The following ITGB8 variants were observed in gnomAD, a reference collection of about 807,000 sequenced individuals.
ITGB8 encodes the protein integrin subunit beta 8, also known as integrin beta-8.
ITGB8 carries 30 observed loss-of-function variants against 89.5 expected under a neutral mutation model. That is an observed-to-expected ratio of 0.34 (90% CI 0.25 to 0.45). ITGB8 has a LOEUF of 0.45. Among genes scored for constraint, ITGB8 ranks in the 20% least tolerant of loss-of-function variants. The probability of loss-of-function intolerance (pLI) is 1.00; values close to 1 mark genes in which losing one functional copy is unlikely to be tolerated. For missense variants in ITGB8, 836 were observed against 933.3 expected (o/e 0.90, Z 1.36); for synonymous variants, 335 against 320.4 (o/e 1.05, Z -0.49).
intron 1 of ITGB8, among the ~76,000 whole-genome samples, chr7:20,360,094 C>T (rs189146934): frequency 6.6e-6 from 1 of 152,258 alleles, no homozygotes; most frequent in African/African-American, 2.4e-5. Context: ...CTCTCTGGGT[C>T]ATCATCGTTA....
At chr7:20,381,300 C>G (rs1786377078) in intron 5 of ITGB8, 1 of 156,124 alleles carries the variant, frequency 6.4e-6, no homozygotes, top group African/African-American at 2.4e-5. Context: ...GCAGCTGGGA[C>G]TACAGGCGCC....
rs1041202141 is a variant in ITGB8 at position 20,411,487 on chromosome 7, G to A, written c.*1490G>A. 1.3e-5 allele frequency: 2 copies of A among 152,520 alleles called. No individual in the cohort carries two copies. Among genetic ancestry groups the A allele is most frequent in the African/African-American group, 2.4e-5 (1 of 41,414 alleles). 9.4% of individuals were successfully genotyped at this position (152,520 alleles called of 1,614,324 possible). On this transcript the variant is annotated 3_prime_UTR_variant, in exon 14 of 14. Transcript: ENST00000222573. ...CTCCTTTTTAGTGAGTTAGGGAACT[G>A]AGCCTCAGAAAACTTAAACGATTTC...
intron 2 of ITGB8, 94 bp from the exon 3 acceptor site, chr7:20,366,918 T>A (rs1465036108): frequency 1.1e-5 from 9 of 831,714 alleles, no homozygotes; most frequent in Non-Finnish European, 1.3e-5. Flanking sequence ...TAAAATGATA[T>A]AAAATACCAA....
chr7:20,383,914 G>A (rs1274953541), intron 6 of ITGB8, among the ~76,000 whole-genome samples: 1 of 152,136 alleles, frequency 6.6e-6, no homozygotes, highest in African/African-American at 2.4e-5. Context: ...TAACACCTTA[G>A]AAGGATACTT....
At chr7:20,401,067 C>T (rs754042921) in intron 9 of ITGB8, among the ~76,000 whole-genome samples, 14 of 151,880 alleles carry the variant, frequency 9.2e-5, no homozygotes, top group South Asian at 4.2e-4. Flanking sequence ...CTCTGTCTTC[C>T]GGGTTCAAGC....
intron 6 of ITGB8, 26 bp downstream of exon 6, chr7:20,381,911 G>T (rs1483191971): frequency 6.4e-7 from 1 of 1,573,056 alleles, no homozygotes. Flanking sequence ...CCGCTTAGTA[G>T]ATATGACTCT....
intron 12 of ITGB8, 25 bp downstream of exon 12, chr7:20,406,196 G>T: frequency 7.6e-7 from 1 of 1,310,724 alleles, no homozygotes; most frequent in Non-Finnish European, 1.1e-6. Context: ...AATAATCAAA[G>T]CACAGAAGAG....
chr7:20,385,883 A>T (rs891209829), intron 6 of ITGB8, among the ~76,000 whole-genome samples: 1 of 152,216 alleles, frequency 6.6e-6, no homozygotes, highest in Non-Finnish European at 1.5e-5. Flanking sequence ...AAAGTCTGGA[A>T]AACATTTATA....
Position 20,406,106 on chromosome 7 carries a change from T to C in ITGB8, c.1958T>C (p.Ile653Thr), listed in dbSNP as rs780696993. ...CLHPHNLSQA[I>T]LDQCKTSCAL... ...CACCCTCACAATTTGTCTCAGGCTA[T>C]ACTTGATCAGTGCAAAACCTCATGT... Residue 653 changes from isoleucine to threonine, a missense_variant, in exon 12 of 14, where the codon ATA becomes ACA. Ile to Thr is a moderately conservative substitution (Grantham distance 89, BLOSUM62 -1). Transcript: ENST00000222573. The C allele has an allele frequency of 3.7e-6, 6 of 1,613,648 alleles. No homozygotes were observed. In the Admixed American group the frequency reaches 8.3e-5, roughly 22 times the overall value.
chr7:20,381,307 C>T (rs71526323), intron 5 of ITGB8: 35,752 of 155,050 alleles, frequency 0.23, 5,191 homozygotes, highest in Non-Finnish European at 0.32. Context: ...GGACTACAGG[C>T]GCCCGCCACC....
chr7:20,369,086 A>G lies in ITGB8; in HGVS notation c.388+1900A>G, dbSNP rs551105306. On this transcript the variant is annotated intron_variant, in intron 3 of 13. Transcript: ENST00000222573. ...ACCTGAATTTAAGAGTAAGTTGTTAATATCATCTTTCCTGCAAATCTTTCA... is the reference window on the plus strand; with the variant it reads ...ACCTGAATTTAAGAGTAAGTTGTTAGTATCATCTTTCCTGCAAATCTTTCA... Among the ~76,000 whole-genome samples, 4 of 152,332 alleles carry G rather than the reference A, an allele frequency of 2.6e-5. No homozygotes were observed. In the East Asian group the frequency reaches 5.8e-4, roughly 22 times the overall value.
intron 6 of ITGB8, among the ~76,000 whole-genome samples, chr7:20,385,321 A>T (rs1383876689): frequency 2.0e-5 from 3 of 152,242 alleles, no homozygotes; most frequent in Admixed American, 6.5e-5. Flanking sequence ...ATCCTACCAC[A>T]TTCCTATTGT....
At chr7:20,347,335 C>T (rs1784960939) in intron 1 of ITGB8, among the ~76,000 whole-genome samples, 1 of 152,070 alleles carries the variant, frequency 6.6e-6, no homozygotes, top group South Asian at 2.1e-4. Context: ...ATCACTGTAT[C>T]AGCAAAAGAA....
At chr7:20,329,843 G>T (rs899242471), upstream of ITGB8, 1 of 152,092 alleles carries the variant, frequency 6.6e-6, no homozygotes, top group African/African-American at 2.4e-5. Flanking sequence ...TTTCCAATGC[G>T]GGGGACTGAG....
intron 1 of ITGB8, among the ~76,000 whole-genome samples, chr7:20,350,139 G>A (rs1785064654): frequency 6.6e-6 from 1 of 152,128 alleles, no homozygotes; most frequent in South Asian, 2.1e-4. Flanking sequence ...TCCCTGTATT[G>A]AAGTTGTTGT....
intron 1 of ITGB8, among the ~76,000 whole-genome samples, chr7:20,337,325 A>C (rs1784608547): frequency 6.6e-6 from 1 of 152,222 alleles, no homozygotes; most frequent in South Asian, 2.1e-4. Flanking sequence ...ATTTTCAACT[A>C]AATACTTAAA....
In ITGB8 at chr7:20,401,927, G is replaced by T; in HGVS notation, c.1488G>T (p.Glu496Asp). The change falls in exon 10 of 14, where the codon GAG becomes GAT. Residue 496 changes from glutamate to aspartate, a missense_variant. Glu to Asp is a conservative substitution (Grantham distance 45). Around this residue, in one of 5 missense-constraint regions of ITGB8, gnomAD observed 422 missense variants for 416.9 expected, o/e 1.01. Transcript: ENST00000222573. Reference sequence around the variant, plus strand: ...ATTCCAAGTGTTTCCAGTGTGATGAGAATAAATGTCATTTTGATGAAGATC... The same window carrying T: ...ATTCCAAGTGTTTCCAGTGTGATGATAATAAATGTCATTTTGATGAAGATC... The part of the protein sequence containing the change: ...FLDSKCFQCD[E>D]NKCHFDEDQF... 1 of 1,614,134 alleles carries T rather than the reference G, an allele frequency of 6.2e-7. No individual in the cohort carries two copies. Among genetic ancestry groups the T allele is most frequent in the East Asian group, 2.2e-5 (1 of 44,874 alleles).
intron 1 of ITGB8, among the ~76,000 whole-genome samples, chr7:20,356,597 G>A (rs1227022243): frequency 1.3e-5 from 2 of 152,076 alleles, no homozygotes; most frequent in African/African-American, 2.4e-5. Context: ...AATTGGGAAA[G>A]GGATATTGCC....
intron 3 of ITGB8, among the ~76,000 whole-genome samples, chr7:20,373,945 G>T (rs375477909): frequency 2.0e-5 from 3 of 152,194 alleles, no homozygotes; most frequent in East Asian, 1.9e-4. Context: ...TTTATTCTTT[G>T]TATTCAAACC....
Sources: gnomAD v4.1 joint callset for allele counts (sites outside exome capture counted in the v4.1 genomes callset) on GRCh38, gnomAD v4.1.1 for gene constraint, gnomAD v4.1.1 regional missense constraint, MANE v1.5 for transcripts, NCBI Gene and HGNC (gene_info 2026-07-23, HGNC 2026-07-21) for gene names.